The following DRAXIN variants were observed in gnomAD, a reference collection of about 807,000 sequenced individuals.
DRAXIN encodes dorsal inhibitory axon guidance protein.
In DRAXIN, 27 loss-of-function variants were observed where a neutral mutation model predicts 33.9. The ratio of observed to expected loss-of-function variants is 0.80; its 90% CI spans 0.59 to 1.10. DRAXIN has a LOEUF of 1.10. Among genes scored for constraint, DRAXIN ranks in the 50% least tolerant of loss-of-function variants. DRAXIN has a pLI of 0.00. For synonymous variants in DRAXIN, 178 were observed against 194.0 expected, an observed-to-expected ratio of 0.92 and a Z score of 0.69; for missense variants, 371 against 460.8, an observed-to-expected ratio of 0.81 and a Z score of 1.78.
At position 11,697,871 on chromosome 1, in the gene DRAXIN, G is replaced by A. The variant is rs138596903; in HGVS notation, c.-11+6018G>A. On this transcript the variant is annotated intron_variant, in intron 1 of 6. Transcript: ENST00000294485. ...GTTGCTGAGAGGCCCCTTCCTATTG[G>A]TCAGGTGACACTTTGGGCGATACAG... is the stretch of plus-strand genomic sequence containing the variant. Among the ~76,000 whole-genome samples, 471 of 152,282 alleles carry A rather than the reference G, an allele frequency of 3.1e-3. 2 individuals carry two copies. Among genetic ancestry groups the A allele is most frequent in the African/African-American group, 0.011 (441 of 41,554 alleles).
intron 1 of DRAXIN, among the ~76,000 whole-genome samples, chr1:11,698,876 G>A (rs1176452619): frequency 2.0e-5 from 3 of 152,150 alleles, no homozygotes; most frequent in Admixed American, 6.5e-5. Flanking sequence ...AAAAGCAATC[G>A]TAAAATCTTC....
chr1:11,687,169 G>A (rs1253590056), upstream of DRAXIN, among the ~76,000 whole-genome samples: 8 of 152,120 alleles, frequency 5.3e-5, no homozygotes, highest in South Asian at 2.1e-4. The surrounding 1 kb of genome is among the most constrained non-coding windows in gnomAD (Gnocchi z 4.1). Flanking sequence ...GGGCTCAAGC[G>A]ATCCTCCCAC....
intron 3 of DRAXIN, 104 bp downstream of exon 3, chr1:11,709,569 G>T: frequency 7.6e-7 from 1 of 1,323,314 alleles, no homozygotes. Context: ...GGGGCAGGAG[G>T]CCACAGAGCT....
At chr1:11,712,561 C>A in intron 5 of DRAXIN, 132 bp downstream of exon 5, 1 of 848,744 alleles carries the variant, frequency 1.2e-6, no homozygotes, top group Non-Finnish European at 1.9e-6. Flanking sequence ...ATAACAACAG[C>A]TGCCACTTTC....
Position 11,719,636 on chromosome 1 carries a change from AG to A in DRAXIN, c.993del (p.Arg332AlafsTer41). 3.1e-6 allele frequency: 5 copies of A among 1,614,118 alleles called. No individual in the cohort carries two copies. Among genetic ancestry groups the A allele is most frequent in the Non-Finnish European group, 4.2e-6 (5 of 1,180,020 alleles). ...GGAACCGCAGGGTTACACGGAGGAA[AG>A]GGCGCTGTGTGGAGCCCGAGACGGC... is the stretch of plus-strand genomic sequence containing the variant. ...HRNRRVTRRK[G>X]RCVEPETANG... On this transcript the variant is annotated frameshift_variant, in exon 7 of 7. Transcript: ENST00000294485. LOFTEE classifies it high-confidence loss of function.
At chr1:11,715,076 G>GA (rs1557693263) in intron 5 of DRAXIN, 43 bp from the exon 6 acceptor site, 1 of 1,607,292 alleles carries the variant, frequency 6.2e-7, no homozygotes, top group Non-Finnish European at 8.5e-7. Context: ...GCGGGGAGGG[G>GA]CGGCTCAGCT....
At chr1:11,695,611 AAT>A (rs1158817614) in intron 1 of DRAXIN, among the ~76,000 whole-genome samples, 10,838 of 145,054 alleles carry the variant, frequency 0.075, 508 homozygotes, top group African/African-American at 0.12. Flanking sequence ...CAAAAAAAAA[AAT>A]ATATATATAT....
rs1419097380 is a variant in DRAXIN at position 11,712,399 on chromosome 1, C to A, written c.817C>A (p.Pro273Thr). ...GNETSPAEGEPCDHHQDCLPG... is the reference protein window; with the variant it reads ...GNETSPAEGETCDHHQDCLPG... ...CGAAACATCACCAGCCGAAGGGGAA[C>A]CATGCGACCATCACCAAGACTGCCT... The change falls in exon 5 of 7, where the codon CCA becomes ACA. Residue 273 changes from proline (P) to threonine (T), a missense_variant. Pro to Thr is a conservative substitution (Grantham distance 38). Coordinates refer to ENST00000294485, the MANE Select transcript of DRAXIN (RefSeq NM_198545.4). 6.2e-7 allele frequency: 1 copy of A among 1,613,982 alleles called. No individual in the cohort carries two copies. The highest frequency in any genetic ancestry group is 8.5e-7 in the Non-Finnish European group (1 of 1,180,014).
At position 11,717,530 on chromosome 1, in the gene DRAXIN, C is replaced by T. The variant is rs933615131; in HGVS notation, c.938-2054C>T. ...TACAAAAATTAGCCGGGTGTGGTGA[C>T]GCGCACCTGTAATCCCAGCTACTCA... On this transcript the variant is annotated intron_variant, in intron 6 of 6. Transcript: ENST00000294485. 4.0e-5 allele frequency among the ~76,000 whole-genome samples: 6 copies of T among 151,448 alleles called. No individual in the cohort carries two copies. In the South Asian group the frequency reaches 1.3e-3, roughly 32 times the overall value.
Position 11,724,359 on chromosome 1 carries a change from C to A in DRAXIN, c.*4663C>A, listed in dbSNP as rs533340168. 1 of 152,302 alleles carries A rather than the reference C, an allele frequency of 6.6e-6. No individual in the cohort carries two copies. The highest frequency in any genetic ancestry group is 1.5e-5 in the Non-Finnish European group (1 of 68,102). 9.4% of individuals were successfully genotyped at this position (152,302 alleles called of 1,614,324 possible). Reference sequence around the variant, plus strand: ...TGCACTCCTCCAGCTGGAGTCTCACCGCGGATCCCAGGAATACCTGCTGTT... The same window carrying A: ...TGCACTCCTCCAGCTGGAGTCTCACAGCGGATCCCAGGAATACCTGCTGTT... On this transcript the variant is annotated 3_prime_UTR_variant, in exon 7 of 7. Transcript: ENST00000294485.
intron 1 of DRAXIN, among the ~76,000 whole-genome samples, chr1:11,702,244 C>T (rs1177653919): frequency 7.3e-6 from 1 of 136,510 alleles, no homozygotes; most frequent in Non-Finnish European, 1.7e-5. Flanking sequence ...CATACACGCT[C>T]TCACACACAC....
rs1641669657 is a variant in DRAXIN at position 11,722,338 on chromosome 1, G to A, written c.*2642G>A. 1 of 152,232 alleles carries A rather than the reference G, an allele frequency of 6.6e-6. No individual in the cohort carries two copies. Among genetic ancestry groups the A allele is most frequent in the Admixed American group, 6.5e-5 (1 of 15,282 alleles). 9.4% of individuals were successfully genotyped at this position (152,232 alleles called of 1,614,324 possible). ...AGATGGTCCTAGGACATCAGCCATG[G>A]AGAACACAGAGGGTCAGGACAAAGC... On this transcript the variant is annotated 3_prime_UTR_variant, in exon 7 of 7. Transcript: ENST00000294485.
At chr1:11,700,373 G>C (rs1194644223) in intron 1 of DRAXIN, among the ~76,000 whole-genome samples, 3 of 152,206 alleles carry the variant, frequency 2.0e-5, no homozygotes, top group African/African-American at 7.2e-5. Context: ...TTCACGTTCA[G>C]AAAATCCTGG....
upstream of DRAXIN, among the ~76,000 whole-genome samples, chr1:11,688,743 T>A (rs1376998308): frequency 2.0e-5 from 3 of 151,964 alleles, no homozygotes; most frequent in African/African-American, 7.3e-5. This position sits in a 1 kb window ranked among gnomAD's most constrained non-coding sequence, Gnocchi z 4.6. Flanking sequence ...TCAAATGGGG[T>A]TGGGACTTGC....
rs1641087971 is a variant in DRAXIN at position 11,692,338 on chromosome 1, C to T, written c.-11+485C>T. Among the ~76,000 whole-genome samples, 1 of 152,130 alleles carries T rather than the reference C, an allele frequency of 6.6e-6. No homozygotes were observed. The highest frequency in any genetic ancestry group is 2.1e-4 in the South Asian group (1 of 4,826). On this transcript the variant is annotated intron_variant, in intron 1 of 6. Transcript: ENST00000294485. The surrounding 1 kb of genome is among the most constrained non-coding windows in gnomAD (Gnocchi z 5.8). ...CTCCCTGAGCCCCGGGCAGAGCTGGCGGGCGTGCCCTCCAGCCCCTTTCGA... is the reference window on the plus strand; with the variant it reads ...CTCCCTGAGCCCCGGGCAGAGCTGGTGGGCGTGCCCTCCAGCCCCTTTCGA...
At chr1:11,697,483 G>A (rs1444239215) in intron 1 of DRAXIN, among the ~76,000 whole-genome samples, 2 of 152,220 alleles carry the variant, frequency 1.3e-5, no homozygotes, top group African/African-American at 4.8e-5. Flanking sequence ...GGCTGCTTCT[G>A]GCTTAGATTG....
chr1:11,695,608 A>AT (rs1159614447), intron 1 of DRAXIN, among the ~76,000 whole-genome samples: 91 of 101,140 alleles, frequency 9.0e-4, no homozygotes, highest in South Asian at 2.2e-3. Context: ...TCTCAAAAAA[A>AT]AAAATATATA....
At chr1:11,688,817 AGATACAGGTCATAAAGACCTTG>A (rs1361882092), upstream of DRAXIN, among the ~76,000 whole-genome samples, 1 of 152,186 alleles carries the variant, frequency 6.6e-6, no homozygotes, top group African/African-American at 2.4e-5. The surrounding 1 kb of genome is among the most constrained non-coding windows in gnomAD (Gnocchi z 4.6). Context: ...GATCAGCACA[AGATACAGGTCATAAAGACCTTG>A]CTGATAAAAC....
At position 11,705,796 on chromosome 1, in the gene DRAXIN, A is replaced by ATGGAAT. The variant is rs1641368442; in HGVS notation, c.-10-451_-10-446dup. 6.6e-6 allele frequency among the ~76,000 whole-genome samples: 1 copy of ATGGAAT among 152,136 alleles called. No individual in the cohort carries two copies. Among genetic ancestry groups the ATGGAAT allele is most frequent in the African/African-American group, 2.4e-5 (1 of 41,422 alleles). On this transcript the variant is annotated intron_variant, in intron 1 of 6. Coordinates refer to ENST00000294485, the MANE Select transcript of DRAXIN (RefSeq NM_198545.4). This position sits in a 1 kb window ranked among gnomAD's most constrained non-coding sequence, Gnocchi z 4.8. ...GCTCAAACGCTATTATTCCATTTGT[A>ATGGAAT]TGGAATTAGGCTCCGAGTCAAGTCT...
Sources: allele counts gnomAD v4.1 joint callset (sites outside exome capture counted in the v4.1 genomes callset), GRCh38; gene constraint gnomAD v4.1.1; non-coding constraint Gnocchi (gnomAD v3.1); transcripts MANE v1.5; gene names NCBI Gene and HGNC (gene_info 2026-07-23, HGNC 2026-07-21).